Variants in LINGO2 observed in about 807,000 individuals in gnomAD.
LINGO2 encodes the protein leucine-rich repeat and immunoglobulin-like domain-containing nogo receptor-interacting protein 2.
In LINGO2, 14 loss-of-function variants were observed where a neutral mutation model predicts 30.6. The ratio of observed to expected loss-of-function variants is 0.46; its 90% CI spans 0.30 to 0.72. LINGO2 has a LOEUF of 0.72. Ranked by LOEUF, LINGO2 falls within the 30% of genes least tolerant of loss-of-function variation. The pLI is 0.07. For synonymous variants in LINGO2, 317 were observed against 288.5 expected (o/e 1.10, Z -1.00); for missense variants, 729 against 751.7 (o/e 0.97, Z 0.35).
chr9:28,858,805 TA>T, the LINGO2 span, among the ~76,000 whole-genome samples: 1 of 152,104 alleles, frequency 6.6e-6, no homozygotes, highest in Admixed American at 6.6e-5. Context: ...TAATGCATTT[TA>T]AAAAAGAATT....
the LINGO2 span, among the ~76,000 whole-genome samples, chr9:28,683,143 C>T: frequency 4.6e-5 from 7 of 152,224 alleles, no homozygotes; most frequent in Non-Finnish European, 1.0e-4. Context: ...GTACCCAAAT[C>T]TTTGCCCAGT....
the LINGO2 span, among the ~76,000 whole-genome samples, chr9:29,036,408 GA>G: frequency 6.6e-6 from 1 of 151,260 alleles, no homozygotes; most frequent in Non-Finnish European, 1.5e-5. Flanking sequence ...GAAACCAGAA[GA>G]AAAAAAATAA....
At chr9:28,235,055 G>C (rs976869323) in intron 4 of LINGO2, among the ~76,000 whole-genome samples, 1 of 152,146 alleles carries the variant, frequency 6.6e-6, no homozygotes, top group South Asian at 2.1e-4. Flanking sequence ...TAAAGGGAAG[G>C]CCCTTGGGCA....
Position 28,480,467 on chromosome 9 carries a change from A to T in LINGO2, c.-364-4442T>A, listed in dbSNP as rs1056387163. Reference sequence around the variant, plus strand: ...CCATGGCAGAAGACACAAACATGGAAGTAAAATGACAATTGTTTAGGTAAA... The same window carrying T: ...CCATGGCAGAAGACACAAACATGGATGTAAAATGACAATTGTTTAGGTAAA... On this transcript the variant is annotated intron_variant, in intron 1 of 5. Transcript: ENST00000379992. 3.9e-5 allele frequency among the ~76,000 whole-genome samples: 6 copies of T among 152,206 alleles called. 1 individual carries two copies. In the Middle Eastern group the frequency reaches 0.014, roughly 345 times the overall value.
intron 4 of LINGO2, among the ~76,000 whole-genome samples, chr9:28,222,328 T>G (rs1820994611): frequency 6.6e-6 from 1 of 152,200 alleles, no homozygotes; most frequent in African/African-American, 2.4e-5. Context: ...CATTTTCAGG[T>G]ATTATATGAC....
chr9:28,100,254 G>T (rs1183316095), intron 4 of LINGO2, among the ~76,000 whole-genome samples: 1 of 152,086 alleles, frequency 6.6e-6, no homozygotes, highest in Non-Finnish European at 1.5e-5. Context: ...TTCTGTAATA[G>T]CAGGTGCACC....
At chr9:28,958,649 C>G in the LINGO2 span, among the ~76,000 whole-genome samples, 14 of 151,822 alleles carry the variant, frequency 9.2e-5, no homozygotes, top group African/African-American at 3.1e-4. Flanking sequence ...CTACGCTTTA[C>G]TTTTTAGGCA....
the LINGO2 span, among the ~76,000 whole-genome samples, chr9:29,085,473 A>T: frequency 6.6e-6 from 1 of 151,986 alleles, no homozygotes; most frequent in Non-Finnish European, 1.5e-5. Context: ...CCTATGAAAT[A>T]GTTATCACCT....
intron 4 of LINGO2, among the ~76,000 whole-genome samples, chr9:28,212,507 A>T (rs1451203888): frequency 6.6e-6 from 1 of 151,328 alleles, no homozygotes; most frequent in Non-Finnish European, 1.5e-5. Context: ...TATGAACTGG[A>T]TTTAGAAAAA....
upstream of LINGO2, among the ~76,000 whole-genome samples, chr9:28,671,908 A>C (rs531803499): frequency 6.6e-6 from 1 of 152,274 alleles, no homozygotes; most frequent in Non-Finnish European, 1.5e-5. Flanking sequence ...TTCATGCTTT[A>C]AGTGTTGGAT....
the LINGO2 span, among the ~76,000 whole-genome samples, chr9:28,765,604 A>C: frequency 6.6e-6 from 1 of 152,012 alleles, no homozygotes; most frequent in East Asian, 1.9e-4. Context: ...GTTGTTATAA[A>C]GCTAGGAGGT....
chr9:28,810,380 C>A, the LINGO2 span, among the ~76,000 whole-genome samples: 5 of 152,088 alleles, frequency 3.3e-5, no homozygotes, highest in Non-Finnish European at 7.4e-5. Context: ...TATCATGTAC[C>A]ATTTTCATTC....
the LINGO2 span, among the ~76,000 whole-genome samples, chr9:28,763,989 A>C: frequency 2.6e-5 from 4 of 151,964 alleles, no homozygotes; most frequent in Non-Finnish European, 5.9e-5. Context: ...GAAAGTCTGA[A>C]TAGACCAATA....
the LINGO2 span, chr9:27,937,629 G>T: frequency 1.3e-5 from 2 of 152,192 alleles, no homozygotes; most frequent in Admixed American, 1.3e-4. Flanking sequence ...TTTTAAGAAA[G>T]TATTTTATTT....
chr9:28,040,190 T>C lies in LINGO2; in HGVS notation c.-86-27785A>G, dbSNP rs79055054. 4.8e-3 allele frequency among the ~76,000 whole-genome samples: 730 copies of C among 152,292 alleles called. 10 individuals carry two copies. Among genetic ancestry groups the C allele is most frequent in the African/African-American group, 0.017 (691 of 41,552 alleles). ...TTTTGCTGCTATTAGCAAAACAGAT[T>C]GATTCATTAGAAGCTAGCTGCAGTC... On this transcript the variant is annotated intron_variant, in intron 4 of 5. Coordinates refer to ENST00000379992, the Ensembl canonical transcript of LINGO2.
chr9:28,966,550 G>A, the LINGO2 span, among the ~76,000 whole-genome samples: 1 of 152,060 alleles, frequency 6.6e-6, no homozygotes, highest in Non-Finnish European at 1.5e-5. Flanking sequence ...TGTGAAATAT[G>A]TAGTACTATT....
chr9:27,992,514 A>C (rs1381746062), intron 5 of LINGO2, among the ~76,000 whole-genome samples: 1 of 152,142 alleles, frequency 6.6e-6, no homozygotes, highest in Non-Finnish European at 1.5e-5. Context: ...AAAAAAAATT[A>C]AAATAGTTAT....
chr9:29,014,094 AAATT>A, the LINGO2 span, among the ~76,000 whole-genome samples: 19 of 152,290 alleles, frequency 1.2e-4, no homozygotes, highest in Non-Finnish European at 2.4e-4. Flanking sequence ...TCAATTAAAT[AAATT>A]ATCTGCTACG....
At position 28,370,481 on chromosome 9, in the gene LINGO2, C is replaced by T. The variant is rs576324515; in HGVS notation, c.-246+2355G>A. 9.9e-5 allele frequency among the ~76,000 whole-genome samples: 15 copies of T among 152,162 alleles called. No individual in the cohort carries two copies. The South Asian group carries it at 2.9e-3, about 29-fold the overall frequency. On this transcript the variant is annotated intron_variant, in intron 3 of 5. Coordinates refer to ENST00000379992, the Ensembl canonical transcript of LINGO2. Reference sequence around the variant, plus strand: ...CTGAGTTGGAATAGAGGCAGAGGTTCAGTGTTATTGATAAGGTTTAGAATA... The same window carrying T: ...CTGAGTTGGAATAGAGGCAGAGGTTTAGTGTTATTGATAAGGTTTAGAATA...
Sources: gnomAD v4.1 joint callset for allele counts (sites outside exome capture counted in the v4.1 genomes callset) on GRCh38, gnomAD v4.1.1 for gene constraint, MANE v1.5 for transcripts, NCBI Gene and HGNC (gene_info 2026-07-23, HGNC 2026-07-21) for gene names.